UGGT2: variants seen among roughly 807,000 people sequenced by gnomAD.
The protein encoded by UGGT2 is UDP-glucose glycoprotein glucosyltransferase 2.
A neutral mutation model predicts 192.1 loss-of-function variants in UGGT2; 180 were observed. The ratio of observed to expected loss-of-function variants is 0.94; its 90% CI spans 0.83 to 1.06. The LOEUF (loss-of-function observed/expected upper bound fraction) is 1.06, where lower values mean the gene tolerates loss of function less well. Ranked by LOEUF, UGGT2 falls within the 50% of genes least tolerant of loss-of-function variation. The pLI is 0.00. For synonymous variants in UGGT2, 580 were observed against 591.0 expected (o/e 0.98, Z 0.27); for missense variants, 1,849 against 1,795.7 (o/e 1.03, Z -0.54).
chr13:95,999,392 C>T, intron 5 of UGGT2, 85 bp from the exon 6 acceptor site: 5 of 1,245,554 alleles, frequency 4.0e-6, no homozygotes, highest in South Asian at 1.2e-5. Context: ...TGTATTTGGA[C>T]ATAAGGGTAA....
At chr13:95,984,423 G>A (rs1422693409) in intron 9 of UGGT2, among the ~76,000 whole-genome samples, 1 of 151,982 alleles carries the variant, frequency 6.6e-6, no homozygotes, top group Non-Finnish European at 1.5e-5. Flanking sequence ...CGGGTTCCTG[G>A]GCTCAAGTGA....
chr13:95,908,452 T>C (rs1456080771), intron 20 of UGGT2, among the ~76,000 whole-genome samples: 1 of 151,432 alleles, frequency 6.6e-6, no homozygotes, highest in Non-Finnish European at 1.5e-5. Context: ...AATCGTGAGA[T>C]TCACCAAAGT....
chr13:95,949,484 C>A (rs2140614692), intron 12 of UGGT2, 30 bp from the exon 13 acceptor site: 1 of 1,423,712 alleles, frequency 7.0e-7, no homozygotes, highest in Non-Finnish European at 9.3e-7. Context: ...CTTGTGAAAG[C>A]TATATTAACA....
chr13:95,984,207 A>G (rs2051219167), intron 9 of UGGT2, among the ~76,000 whole-genome samples: 1 of 152,224 alleles, frequency 6.6e-6, no homozygotes, highest in African/African-American at 2.4e-5. Flanking sequence ...ATGTATAAGT[A>G]CATGAATATA....
At chr13:95,854,217 GTAATTT>G in intron 35 of UGGT2, 92 bp downstream of exon 35, 1 of 1,387,484 alleles carries the variant, frequency 7.2e-7, no homozygotes, top group Non-Finnish European at 9.8e-7. Flanking sequence ...CTTTTATTGT[GTAATTT>G]TTAAGAAAAC....
At chr13:96,020,469 T>G (rs1291481684) in intron 4 of UGGT2, among the ~76,000 whole-genome samples, 1 of 152,126 alleles carries the variant, frequency 6.6e-6, no homozygotes, top group Non-Finnish European at 1.5e-5. Flanking sequence ...AATGACAGTT[T>G]CCCTCTGGGC....
At chr13:95,985,092 A>C (rs1249286444) in intron 9 of UGGT2, 3 of 256,934 alleles carry the variant, frequency 1.2e-5, no homozygotes, top group Non-Finnish European at 1.4e-5. Context: ...ACCTCTGAAC[A>C]GTTATACTGA....
intron 16 of UGGT2, among the ~76,000 whole-genome samples, chr13:95,937,980 C>T (rs577292502): frequency 1.3e-5 from 2 of 152,234 alleles, no homozygotes; most frequent in Non-Finnish European, 2.9e-5. Context: ...GCAGATCTTT[C>T]CCATGCTATT....
intron 1 of UGGT2, among the ~76,000 whole-genome samples, chr13:96,048,576 T>C (rs546426049): frequency 1.3e-5 from 2 of 151,992 alleles, no homozygotes; most frequent in South Asian, 2.1e-4. Context: ...ATCAACAAAA[T>C]TGATAGACCG....
At chr13:95,989,245 T>C (rs1357106128) in intron 8 of UGGT2, among the ~76,000 whole-genome samples, 1 of 152,112 alleles carries the variant, frequency 6.6e-6, no homozygotes, top group Non-Finnish European at 1.5e-5. Context: ...AATGTCATTA[T>C]TTACATCACT....
At chr13:95,890,053 TGAAA>T (rs2047756679) in intron 25 of UGGT2, among the ~76,000 whole-genome samples, 2 of 152,198 alleles carry the variant, frequency 1.3e-5, no homozygotes, top group African/African-American at 2.4e-5. Context: ...GACCAGGAGA[TGAAA>T]GAAAGAAACT....
intron 36 of UGGT2, among the ~76,000 whole-genome samples, chr13:95,846,433 G>C (rs1011116272): frequency 4.6e-5 from 7 of 151,900 alleles, no homozygotes; most frequent in African/African-American, 1.5e-4. Flanking sequence ...AGGAGGGGAG[G>C]GGGGGAGGAG....
At chr13:95,983,603 A>G (rs759270287) in intron 10 of UGGT2, 2 of 642,712 alleles carry the variant, frequency 3.1e-6, no homozygotes, top group Non-Finnish European at 5.9e-6. Context: ...ATACTGTGAA[A>G]TAAGTAGAAG....
At chr13:95,930,229 T>A (rs2049200947) in intron 17 of UGGT2, among the ~76,000 whole-genome samples, 1 of 152,228 alleles carries the variant, frequency 6.6e-6, no homozygotes, top group Non-Finnish European at 1.5e-5. Context: ...GGCTGTCTGT[T>A]TACTCTGTTG....
At chr13:95,920,093 C>T (rs2048799727) in intron 20 of UGGT2, among the ~76,000 whole-genome samples, 1 of 152,102 alleles carries the variant, frequency 6.6e-6, no homozygotes, top group Non-Finnish European at 1.5e-5. Context: ...CAAAAGCCAG[C>T]AATGGGGAAA....
chr13:96,044,933 G>A (rs550745283), intron 1 of UGGT2, among the ~76,000 whole-genome samples: 10 of 152,036 alleles, frequency 6.6e-5, no homozygotes, highest in South Asian at 2.1e-4. Context: ...GAATTCGTAC[G>A]AATCCTATTG....
intron 38 of UGGT2, among the ~76,000 whole-genome samples, chr13:95,807,405 TTCTG>T (rs1566530973): frequency 2.6e-5 from 4 of 152,254 alleles, no homozygotes; most frequent in South Asian, 2.1e-4. Context: ...ACCTTGTAAT[TTCTG>T]TCTAATTTTT....
chr13:95,877,331 A>G lies in UGGT2; in HGVS notation c.3421T>C (p.Trp1141Arg). 6.2e-7 allele frequency: 1 copy of G among 1,608,664 alleles called. No homozygotes were observed. Among genetic ancestry groups the G allele is most frequent in the South Asian group, 1.1e-5 (1 of 89,108 alleles). Residue 1141 changes from tryptophan (W) to arginine (R), a missense_variant, in exon 29 of 39, where the codon TGG becomes CGG. Trp to Arg is a moderately radical substitution (Grantham distance 101). Coordinates refer to ENST00000376747, the MANE Select transcript of UGGT2 (RefSeq NM_020121.4). ...YFQLKANPGA[W>R]ILRLHQGKSE... ...TTTCCTTGGTGTAACCTCAGTATCC[A>G]AGCACCTGGGTTTGCTTTTAATTGA...
intron 29 of UGGT2, among the ~76,000 whole-genome samples, chr13:95,867,863 CA>C (rs1202045673): frequency 6.6e-6 from 1 of 152,074 alleles, no homozygotes; most frequent in African/African-American, 2.4e-5. Context: ...TTTCAAATGC[CA>C]AAATTTGAAG....
Sources: gnomAD v4.1 joint callset for allele counts (sites outside exome capture counted in the v4.1 genomes callset) on GRCh38, gnomAD v4.1.1 for gene constraint, MANE v1.5 for transcripts, NCBI Gene and HGNC (gene_info 2026-07-23, HGNC 2026-07-21) for gene names.